The following L2HGDH variants were observed in gnomAD, a reference collection of about 807,000 sequenced individuals.
The protein encoded by L2HGDH is L-2-hydroxyglutarate dehydrogenase.
Under a neutral mutation model 51.5 loss-of-function variants are expected in L2HGDH, and 34 were observed. That is an observed-to-expected ratio of 0.66 (90% CI 0.50 to 0.88). The LOEUF (loss-of-function observed/expected upper bound fraction) is 0.88, where lower values mean the gene tolerates loss of function less well. L2HGDH is among the 40% of genes least tolerant of loss of function. L2HGDH has a pLI of 0.00. For synonymous variants in L2HGDH, 198 were observed against 197.9 expected, an observed-to-expected ratio of 1.00 and a Z score of -0.01; for missense variants, 558 against 571.9, an observed-to-expected ratio of 0.98 and a Z score of 0.25.
chr14:50,243,663 T>TTATATATATA lies in L2HGDH; in HGVS notation c.*3385_*3394dup, dbSNP rs35064677. The TTATATATATA allele has an allele frequency of 9.0e-3, 1,591 of 176,292 alleles. 16 individuals carry two copies. The highest frequency in any genetic ancestry group is 0.011 in the Non-Finnish European group (1,183 of 109,148). 10.9% of individuals were successfully genotyped at this position (176,292 alleles called of 1,614,324 possible). A position where few individuals can be genotyped will look rare whatever the true frequency, so the allele number is the denominator to read the frequency against. On this transcript the variant is annotated 3_prime_UTR_variant, in exon 10 of 10. Coordinates refer to ENST00000267436, the MANE Select transcript of L2HGDH (RefSeq NM_024884.3). The stretch of plus-strand genomic sequence containing the variant: ...TTTCATTTTTATTTTTCAGGGTATT[T>TTATATATATA]TATATATATATATATATATATATTG...
chr14:50,258,654 C>T (rs1888815445), intron 9 of L2HGDH, among the ~76,000 whole-genome samples: 2 of 151,728 alleles, frequency 1.3e-5, no homozygotes, highest in Admixed American at 6.6e-5. Flanking sequence ...GGTGGGACTA[C>T]AGGAACATGC....
chr14:50,303,657 A>G (rs1234046084), intron 1 of L2HGDH, among the ~76,000 whole-genome samples: 3 of 150,754 alleles, frequency 2.0e-5, no homozygotes, highest in East Asian at 2.0e-4. Context: ...GGCACCTGTA[A>G]TCCCAACTAC....
rs58353838 is a variant in L2HGDH, at chr14:50,295,745, C to CTT, written c.409-1501_409-1500dup. On this transcript the variant is annotated intron_variant, in intron 3 of 9. Coordinates refer to ENST00000267436, the MANE Select transcript of L2HGDH (RefSeq NM_024884.3). ...CCCTACAATTTTTTTTTCATAGCATCTTTTTTTTTTTTTTTTTAATTTCGC... is the reference window on the plus strand; with the variant it reads ...CCCTACAATTTTTTTTTCATAGCATCTTTTTTTTTTTTTTTTTTTAATTTCGC... 5.3e-5 allele frequency among the ~76,000 whole-genome samples: 7 copies of CTT among 131,492 alleles called. No individual in the cohort carries two copies. The East Asian group carries it at 1.1e-3, about 21-fold the overall frequency. 86.3% of individuals were successfully genotyped at this position (131,492 alleles called of 152,430 possible).
rs2030496811 is a variant in L2HGDH at position 50,302,895 on chromosome 14, T to C, written c.256+7A>G. Reference sequence around the variant, plus strand: ...AGCCCAAAGAACAACATTGATTATATACATACCTAAATCTTTCTCCTTTTC... The same window carrying C: ...AGCCCAAAGAACAACATTGATTATACACATACCTAAATCTTTCTCCTTTTC... On this transcript the variant is annotated splice_region_variant and intron_variant, in intron 2 of 9. Transcript: ENST00000267436. The C allele has an allele frequency of 3.8e-6, 6 of 1,575,750 alleles. No individual in the cohort carries two copies. The highest frequency in any genetic ancestry group is 1.3e-5 in the African/African-American group (1 of 74,268).
At chr14:50,264,919 T>C (rs564846751) in intron 9 of L2HGDH, among the ~76,000 whole-genome samples, 1 of 152,344 alleles carries the variant, frequency 6.6e-6, no homozygotes, top group South Asian at 2.1e-4. Context: ...TATAATGTTT[T>C]AATGTGCTTA....
At chr14:50,276,469 C>CT (rs1383869585) in intron 6 of L2HGDH, among the ~76,000 whole-genome samples, 1 of 151,544 alleles carries the variant, frequency 6.6e-6, no homozygotes, top group Non-Finnish European at 1.5e-5. Context: ...TGTGCCCCCC[C>CT]CACCCCAATT....
intron 9 of L2HGDH, among the ~76,000 whole-genome samples, chr14:50,251,001 C>T (rs1301400242): frequency 6.6e-6 from 1 of 152,198 alleles, no homozygotes; most frequent in Non-Finnish European, 1.5e-5. Flanking sequence ...TCCAGGAATA[C>T]ATAACCTCCT....
intron 6 of L2HGDH, among the ~76,000 whole-genome samples, chr14:50,276,333 T>G (rs562132941): frequency 6.6e-6 from 1 of 152,248 alleles, no homozygotes; most frequent in African/African-American, 2.4e-5. Context: ...ATATTGGCTA[T>G]GGCCACATGA....
At chr14:50,263,520 C>T (rs927587360) in intron 9 of L2HGDH, among the ~76,000 whole-genome samples, 9 of 152,268 alleles carry the variant, frequency 5.9e-5, no homozygotes, top group African/African-American at 1.7e-4. Flanking sequence ...CACAGTCAAG[C>T]CTGCTGACAT....
At position 50,267,949 on chromosome 14, in the gene L2HGDH, A is replaced by G. The variant is rs560233430; in HGVS notation, c.907-39T>C. On this transcript the variant is annotated intron_variant, in intron 7 of 9. Transcript: ENST00000267436. ...ATAGTAAATAACAGCCTCATTTCAC[A>G]TTCCATGTTATCAGAGATGCAAACA... The G allele has an allele frequency of 5.7e-6, 9 of 1,580,680 alleles. No individual in the cohort carries two copies. The South Asian group carries it at 7.7e-5, about 14-fold the overall frequency.
intron 5 of L2HGDH, among the ~76,000 whole-genome samples, chr14:50,279,022 T>C (rs1278780998): frequency 6.6e-6 from 1 of 152,210 alleles, no homozygotes; most frequent in African/African-American, 2.4e-5. Flanking sequence ...AAATTGACCA[T>C]TTTTAAAATT....
intron 3 of L2HGDH, 143 bp downstream of exon 3, chr14:50,301,874 C>T: frequency 1.2e-6 from 1 of 829,092 alleles, no homozygotes; most frequent in Non-Finnish European, 1.9e-6. Flanking sequence ...GTCACACCAT[C>T]TTTTTTTAGT....
Position 50,283,947 on chromosome 14 carries a change from T to G in L2HGDH, c.627A>C (p.Ala209=). The change falls in exon 5 of 10, where the codon GCA becomes GCC. Residue 209 remains alanine, a synonymous_variant. Transcript: ENST00000267436. ...CAAAATTGGTCAAGACAGAGCCACC[T>G]GCTTCTTGGAAATCCTGGGCAAATG... ...ALSFAQDFQE[A]GGSVLTNFEV... The G allele has an allele frequency of 6.2e-7, 1 of 1,614,172 alleles. No individual in the cohort carries two copies.
chr14:50,252,411 G>A (rs963645062), intron 9 of L2HGDH, among the ~76,000 whole-genome samples: 2 of 151,994 alleles, frequency 1.3e-5, no homozygotes, highest in Non-Finnish European at 2.9e-5. Context: ...AATGGCAGGA[G>A]TAAGTCCTTA....
At chr14:50,273,734 G>T (rs181094317) in intron 6 of L2HGDH, among the ~76,000 whole-genome samples, 1 of 152,214 alleles carries the variant, frequency 6.6e-6, no homozygotes, top group East Asian at 1.9e-4. Context: ...TCCAAAAAAT[G>T]TAAGAAACTC....
chr14:50,269,112 T>A lies in L2HGDH; in HGVS notation c.906+51A>T, dbSNP rs764298421. 30 of 1,540,970 alleles carry A rather than the reference T, an allele frequency of 1.9e-5. 1 individual carries two copies. In the South Asian group the frequency reaches 3.4e-4, roughly 17 times the overall value. On this transcript the variant is annotated intron_variant, in intron 7 of 9. Coordinates refer to ENST00000267436, the MANE Select transcript of L2HGDH (RefSeq NM_024884.3). The stretch of plus-strand genomic sequence containing the variant: ...GTGAAAGTTGTTTTCATCTCCTTTA[T>A]GACCACCACCTGCTTGAAAAAAATG...
chr14:50,267,703 CATT>C, intron 8 of L2HGDH, 47 bp downstream of exon 8: 1 of 1,423,896 alleles, frequency 7.0e-7, no homozygotes, highest in Non-Finnish European at 9.8e-7. Context: ...AAACTTCCCA[CATT>C]GAAAATATAA....
intron 9 of L2HGDH, among the ~76,000 whole-genome samples, chr14:50,264,547 G>A (rs1422670983): frequency 1.3e-5 from 2 of 152,216 alleles, no homozygotes; most frequent in Admixed American, 6.5e-5. Context: ...GAAGCAAGGT[G>A]AGATGCCAGG....
chr14:50,303,821 A>AC (rs1219754543), intron 1 of L2HGDH, among the ~76,000 whole-genome samples: 1 of 151,176 alleles, frequency 6.6e-6, no homozygotes, highest in Non-Finnish European at 1.5e-5. Context: ...AAAAAAAAAA[A>AC]AAAAAAACCT....
Sources: allele counts gnomAD v4.1 joint callset (sites outside exome capture counted in the v4.1 genomes callset), GRCh38; gene constraint gnomAD v4.1.1; transcripts MANE v1.5; gene names NCBI Gene and HGNC (gene_info 2026-07-23, HGNC 2026-07-21).